TENM3: variants seen among roughly 807,000 people sequenced by gnomAD.
TENM3 encodes teneurin transmembrane protein 3.
In TENM3, 63 loss-of-function variants were observed where a neutral mutation model predicts 255.1. The observed-to-expected ratio is 0.25, with a 90% CI of 0.20 to 0.30. The LOEUF is 0.30. TENM3 is among the 10% of genes least tolerant of loss of function. TENM3 has a pLI of 1.00. For missense variants in TENM3, 2,929 were observed against 3,461.1 expected, an observed-to-expected ratio of 0.85 and a Z score of 3.86; for synonymous variants, 1,306 against 1,322.3, an observed-to-expected ratio of 0.99 and a Z score of 0.27.
chr4:182,362,725 C>T (rs989761105), intron 3 of TENM3, among the ~76,000 whole-genome samples: 5 of 152,132 alleles, frequency 3.3e-5, no homozygotes, highest in African/African-American at 7.2e-5. Context: ...GGTGCACGCA[C>T]CCACTGACCT....
At chr4:181,520,352 T>C in the TENM3 span, among the ~76,000 whole-genome samples, 7 of 152,266 alleles carry the variant, frequency 4.6e-5, no homozygotes, top group South Asian at 2.1e-4. Context: ...TTGGAATATT[T>C]CTGTCCAGGA....
chr4:181,785,704 C>T, the TENM3 span, among the ~76,000 whole-genome samples: 2 of 151,886 alleles, frequency 1.3e-5, no homozygotes, highest in African/African-American at 2.4e-5. Context: ...CTGCCTCCCC[C>T]CAACCCCCGC....
At chr4:181,540,331 A>G in the TENM3 span, among the ~76,000 whole-genome samples, 1 of 152,232 alleles carries the variant, frequency 6.6e-6, no homozygotes, top group Non-Finnish European at 1.5e-5. Context: ...AATAATAAAT[A>G]GATGGGGGAG....
chr4:182,202,271 A>G (rs939903059), intron 1 of TENM3, among the ~76,000 whole-genome samples: 3 of 151,328 alleles, frequency 2.0e-5, no homozygotes, highest in African/African-American at 7.3e-5. Context: ...GTGAACTTTG[A>G]ATGCACAACT....
the TENM3 span, chr4:182,080,009 G>A: frequency 1.3e-5 from 2 of 152,170 alleles, no homozygotes; most frequent in Admixed American, 1.3e-4. Flanking sequence ...CTTTACTTAG[G>A]AGTACCCAGT....
At chr4:181,546,597 C>G in the TENM3 span, among the ~76,000 whole-genome samples, 2 of 141,874 alleles carry the variant, frequency 1.4e-5, no homozygotes, top group African/African-American at 5.2e-5. Context: ...GCCTGTAGTC[C>G]CAGCTACTCG....
intron 3 of TENM3, among the ~76,000 whole-genome samples, chr4:182,458,838 G>C (rs188520326): frequency 1.2e-4 from 18 of 152,150 alleles, no homozygotes; most frequent in East Asian, 9.6e-4. Flanking sequence ...AAAAAGGAGT[G>C]TGCTTACTCA....
the TENM3 span, among the ~76,000 whole-genome samples, chr4:181,641,608 TA>T: frequency 7.4e-5 from 1 of 13,432 alleles, no homozygotes; most frequent in Non-Finnish European, 2.3e-4. Context: ...TGTGTGTGTA[TA>T]TATATATATA....
Position 182,584,858 on chromosome 4 carries a change from T to C in TENM3, c.512-16066T>C, listed in dbSNP as rs114237995. 2.5e-3 allele frequency among the ~76,000 whole-genome samples: 373 copies of C among 152,148 alleles called. 3 individuals are homozygous for C. The highest frequency in any genetic ancestry group is 8.6e-3 in the African/African-American group (356 of 41,494). ...GGTTTCTTCATGCTGTTCAGGCCGG[T>C]CTCGATCTCCTGACCTCAGGCAATC... On this transcript the variant is annotated intron_variant, in intron 3 of 27. Transcript: ENST00000511685.
At chr4:182,727,227 G>A (rs1418025562) in intron 13 of TENM3, among the ~76,000 whole-genome samples, 2 of 152,028 alleles carry the variant, frequency 1.3e-5, no homozygotes, top group Non-Finnish European at 2.9e-5. Context: ...AGGCCTAGGC[G>A]GGTGGATCAC....
the TENM3 span, among the ~76,000 whole-genome samples, chr4:181,667,288 C>G: frequency 6.6e-6 from 1 of 152,214 alleles, no homozygotes; most frequent in South Asian, 2.1e-4. Context: ...CTAATTCTGT[C>G]CCATCCTGCA....
intron 3 of TENM3, among the ~76,000 whole-genome samples, chr4:182,577,753 T>C (rs1215418982): frequency 6.6e-6 from 1 of 152,166 alleles, no homozygotes; most frequent in Non-Finnish European, 1.5e-5. Context: ...TGCACATAGG[T>C]AATAGTACTT....
rs548791043 is a variant in TENM3 at position 182,212,520 on chromosome 4, T to TC, written c.-76+67766_-76+67767insC. Among the ~76,000 whole-genome samples the TC allele has an allele frequency of 7.5e-4, 112 of 149,440 alleles. 1 individual carries two copies. The highest frequency in any genetic ancestry group is 2.6e-3 in the African/African-American group (108 of 40,766). On this transcript the variant is annotated intron_variant, in intron 1 of 2. Transcript: ENST00000512480. Reference sequence around the variant, plus strand: ...GGAGGCTGTCTTTATCTCAGCTACTTAAAAAAAAAAAAATTTATGTCAAGT... The same window carrying TC: ...GGAGGCTGTCTTTATCTCAGCTACTTCAAAAAAAAAAAAATTTATGTCAAGT...
the TENM3 span, among the ~76,000 whole-genome samples, chr4:181,630,211 A>G: frequency 6.6e-6 from 1 of 152,004 alleles, no homozygotes; most frequent in African/African-American, 2.4e-5. Context: ...TATTGTGTCT[A>G]TTTGATTCTT....
chr4:182,294,218 C>G (rs1054556659), intron 1 of TENM3, among the ~76,000 whole-genome samples: 1 of 152,066 alleles, frequency 6.6e-6, no homozygotes, highest in African/African-American at 2.4e-5. Flanking sequence ...GCTTTCTTTT[C>G]TTAGAATCAG....
chr4:181,508,227 C>T, the TENM3 span, among the ~76,000 whole-genome samples: 1 of 152,158 alleles, frequency 6.6e-6, no homozygotes, highest in Non-Finnish European at 1.5e-5. Flanking sequence ...GCAGCTGCCA[C>T]GGGCCATGTT....
chr4:181,893,489 CCA>C, the TENM3 span, among the ~76,000 whole-genome samples: 22,115 of 43,540 alleles, frequency 0.51, 3,509 homozygotes, highest in Middle Eastern at 0.62. Flanking sequence ...TTTCCCCTGC[CCA>C]CCCCCCCCCC....
chr4:181,947,483 C>T, the TENM3 span, among the ~76,000 whole-genome samples: 1 of 152,164 alleles, frequency 6.6e-6, no homozygotes, highest in Non-Finnish European at 1.5e-5. Flanking sequence ...CCCGTTTACT[C>T]TTTCACTAAC....
At chr4:181,801,252 T>G in the TENM3 span, among the ~76,000 whole-genome samples, 1 of 152,108 alleles carries the variant, frequency 6.6e-6, no homozygotes, top group Non-Finnish European at 1.5e-5. Context: ...GTTTGTTTGC[T>G]TGTTTTCTCT....
Sources: gnomAD v4.1 joint callset for allele counts (sites outside exome capture counted in the v4.1 genomes callset) on GRCh38, gnomAD v4.1.1 for gene constraint, MANE v1.5 for transcripts, NCBI Gene and HGNC (gene_info 2026-07-23, HGNC 2026-07-21) for gene names.